The following EFHC2 variants were observed in gnomAD, a reference collection of about 807,000 sequenced individuals.
The protein encoded by EFHC2 is EF-hand domain containing 2.
In EFHC2, 18 loss-of-function variants were observed where a neutral mutation model predicts 52.7. That is an observed-to-expected ratio of 0.34 (90% CI 0.24 to 0.51). The LOEUF is 0.51. Among genes scored for constraint, EFHC2 ranks in the 20% least tolerant of loss-of-function variants. The pLI, the probability that EFHC2 is intolerant of heterozygous loss-of-function variation, is 0.97. For synonymous variants in EFHC2, 203 were observed against 204.1 expected (o/e 0.99, Z 0.04); for missense variants, 513 against 562.5 (o/e 0.91, Z 0.89).
At chrX:44,319,315 A>G (rs1445353876) in intron 1 of EFHC2, among the ~76,000 whole-genome samples, 1 of 111,287 alleles carries the variant, frequency 9.0e-6, no homozygotes, top group East Asian at 2.8e-4. Flanking sequence ...AAAGACTTTT[A>G]AAGAGGCCAC....
intron 11 of EFHC2, among the ~76,000 whole-genome samples, chrX:44,196,051 G>A (rs2036963743): frequency 1.8e-5 from 2 of 111,255 alleles, no homozygotes; most frequent in Admixed American, 1.9e-4. Context: ...CTAGTAGCAG[G>A]GACCACAGGT....
chrX:44,208,574 C>T (rs1453833374), intron 11 of EFHC2, among the ~76,000 whole-genome samples: 1 of 111,231 alleles, frequency 9.0e-6, no homozygotes, highest in Non-Finnish European at 1.9e-5. Context: ...TCAGTAGAAG[C>T]CCAGACCCCA....
In EFHC2 at chrX:44,232,728, C is replaced by T. The variant is rs1460910702; in HGVS notation, c.1424-51G>A. 1.3e-5 allele frequency: 14 copies of T among 1,079,179 alleles called. No individual in the cohort carries two copies. In the South Asian group the frequency reaches 1.5e-4, roughly 12 times the overall value. 88.9% of individuals were successfully genotyped at this position (1,079,179 alleles called of 1,213,427 possible). On this transcript the variant is annotated intron_variant, in intron 9 of 14. Transcript: ENST00000420999. ...GCAGCCTTTATTCTTAAAAGAACCA[C>T]GTGACTTGCCTTCAGAGTTACTTTA...
At position 44,168,313 on chromosome X, in the gene EFHC2, A is replaced by G. The variant is rs935487049; in HGVS notation, c.2043-4286T>C. Among the ~76,000 whole-genome samples the G allele has an allele frequency of 3.6e-5, 4 of 111,814 alleles. No homozygotes were observed. In the East Asian group the frequency reaches 8.4e-4, roughly 24 times the overall value. On this transcript the variant is annotated intron_variant, in intron 13 of 14. Coordinates refer to ENST00000420999, the MANE Select transcript of EFHC2 (RefSeq NM_025184.4). ...TTTGGGAGGCCGAGGTGGGCGGATC[A>G]CGAGGTCAGGAGATCGAGACCATCC... is the stretch of plus-strand genomic sequence containing the variant.
At chrX:44,248,114 T>C (rs2037414142) in intron 7 of EFHC2, among the ~76,000 whole-genome samples, 158 bp downstream of exon 7, 1 of 111,339 alleles carries the variant, frequency 9.0e-6, no homozygotes. Context: ...AGAGAATTGT[T>C]AGGAATATAT....
chrX:44,273,721 A>C (rs774832879), intron 2 of EFHC2, among the ~76,000 whole-genome samples: 1 of 111,851 alleles, frequency 8.9e-6, no homozygotes. Context: ...AATTGAGGAC[A>C]ACTGTGGGAA....
chrX:44,247,439 A>ACT (rs941523331), intron 7 of EFHC2, among the ~76,000 whole-genome samples: 3 of 111,199 alleles, frequency 2.7e-5, no homozygotes, highest in African/African-American at 9.8e-5. Flanking sequence ...TCATATGAAT[A>ACT]CTCCAAGGTT....
chrX:44,229,607 C>T, intron 11 of EFHC2, 42 bp downstream of exon 11: 1 of 1,204,845 alleles, frequency 8.3e-7, no homozygotes, highest in South Asian at 1.8e-5. Flanking sequence ...TTTGGACAAC[C>T]TTGAGGGGAA....
intron 7 of EFHC2, among the ~76,000 whole-genome samples, chrX:44,245,010 C>A (rs927215206): frequency 2.7e-5 from 3 of 111,792 alleles, no homozygotes; most frequent in African/African-American, 9.8e-5. Context: ...GCTATAAAAT[C>A]TTTAAGAATC....
At chrX:44,205,100 A>T (rs1411079679) in intron 11 of EFHC2, among the ~76,000 whole-genome samples, 1 of 111,715 alleles carries the variant, frequency 9.0e-6, no homozygotes, top group Non-Finnish European at 1.9e-5. Context: ...TTCATACCCC[A>T]CCAAACTAAG....
At chrX:44,196,729 G>A (rs2036968826) in intron 11 of EFHC2, among the ~76,000 whole-genome samples, 1 of 112,150 alleles carries the variant, frequency 8.9e-6, no homozygotes, top group South Asian at 3.7e-4. Flanking sequence ...TAAGTTCCAT[G>A]TGGCCAGTGG....
At chrX:44,271,492 TA>T (rs1176922096) in intron 3 of EFHC2, among the ~76,000 whole-genome samples, 1 of 111,158 alleles carries the variant, frequency 9.0e-6, no homozygotes, top group African/African-American at 3.3e-5. Context: ...GGCAATACTC[TA>T]AAAGGCAAAG....
intron 2 of EFHC2, among the ~76,000 whole-genome samples, chrX:44,290,823 C>T (rs1336778460): frequency 9.0e-6 from 1 of 111,677 alleles, no homozygotes; most frequent in Non-Finnish European, 1.9e-5. Flanking sequence ...CAGAGAAAAG[C>T]CCGAATGCAG....
chrX:44,191,877 G>A (rs1017646849), intron 11 of EFHC2, among the ~76,000 whole-genome samples: 3 of 111,540 alleles, frequency 2.7e-5, no homozygotes, highest in South Asian at 7.6e-4. Context: ...CAAAGAAATG[G>A]ATGAAATATG....
intron 14 of EFHC2, among the ~76,000 whole-genome samples, chrX:44,152,725 TAC>T (rs3037406): frequency 0.021 from 2,126 of 99,239 alleles, 47 homozygotes; most frequent in East Asian, 0.1. Flanking sequence ...AGTAAACCAT[TAC>T]ACACACACAC....
intron 14 of EFHC2, among the ~76,000 whole-genome samples, chrX:44,162,149 G>A (rs1465713646): frequency 8.9e-6 from 1 of 111,889 alleles, no homozygotes; most frequent in African/African-American, 3.3e-5. Flanking sequence ...ATGGCCAGGC[G>A]TGGTGGCTCG....
chrX:44,243,499 TTTTTG>T (rs760645180), intron 7 of EFHC2, among the ~76,000 whole-genome samples: 28 of 111,877 alleles, frequency 2.5e-4, no homozygotes, highest in South Asian at 7.4e-4. Context: ...GGTTGTTTGG[TTTTTG>T]TTTTGTTTTG....
intron 11 of EFHC2, among the ~76,000 whole-genome samples, chrX:44,198,672 G>C: frequency 9.0e-6 from 1 of 111,349 alleles, no homozygotes; most frequent in Middle Eastern, 4.6e-3. Flanking sequence ...CAAGCTAATA[G>C]GTGGCAGCAG....
intron 1 of EFHC2, among the ~76,000 whole-genome samples, chrX:44,323,011 TA>T (rs1294546056): frequency 1.3e-3 from 142 of 105,346 alleles, no homozygotes; most frequent in Non-Finnish European, 2.4e-3. Context: ...AGACTCCGTC[TA>T]AAAAAAAAAG....
Sources: allele counts gnomAD v4.1 joint callset (sites outside exome capture counted in the v4.1 genomes callset), GRCh38; gene constraint gnomAD v4.1.1; transcripts MANE v1.5; gene names NCBI Gene and HGNC (gene_info 2026-07-23, HGNC 2026-07-21).